RBM47: variants seen among roughly 807,000 people sequenced by gnomAD.
RBM47 encodes RNA binding motif protein 47.
RBM47 carries 21 observed loss-of-function variants against 47.1 expected under a neutral mutation model. The observed-to-expected ratio is 0.45, with a 90% CI of 0.32 to 0.64. The LOEUF (loss-of-function observed/expected upper bound fraction) is 0.64, where lower values mean the gene tolerates loss of function less well. Among genes scored for constraint, RBM47 ranks in the 30% least tolerant of loss-of-function variants. RBM47 has a pLI of 0.05. For synonymous variants in RBM47, 375 were observed against 361.7 expected (o/e 1.04, Z -0.42); for missense variants, 708 against 870.9 (o/e 0.81, Z 2.35).
chr4:40,536,367 G>A (rs1229623685), intron 2 of RBM47, among the ~76,000 whole-genome samples: 2 of 152,156 alleles, frequency 1.3e-5, no homozygotes, highest in Non-Finnish European at 2.9e-5. Context: ...GGAAACTACA[G>A]GGCTGACATT....
At chr4:40,472,261 T>C (rs556185098) in intron 2 of RBM47, among the ~76,000 whole-genome samples, 1 of 152,344 alleles carries the variant, frequency 6.6e-6, no homozygotes, top group Non-Finnish European at 1.5e-5. Context: ...ATATAAATTT[T>C]ATATCGTCAT....
chr4:40,467,339 G>A (rs139349490), intron 2 of RBM47, among the ~76,000 whole-genome samples: 1,977 of 152,092 alleles, frequency 0.013, 26 homozygotes, highest in Middle Eastern at 0.054. Context: ...GCCCAGGCTG[G>A]AGTGCAGTTG....
At position 40,620,216 on chromosome 4, in the gene RBM47, A is replaced by C. The variant is rs902528438; in HGVS notation, c.-240+9180T>G. 5.2e-4 allele frequency among the ~76,000 whole-genome samples: 69 copies of C among 133,522 alleles called. No individual in the cohort carries two copies. In the East Asian group the frequency reaches 0.014, roughly 27 times the overall value. The allele number at this position is 133,522 out of a possible 152,430, so 87.6% of individuals were successfully genotyped here. A position where few individuals can be genotyped will look rare whatever the true frequency, so the allele number is the denominator to read the frequency against. On this transcript the variant is annotated intron_variant, in intron 1 of 6. Transcript: ENST00000295971. Reference sequence around the variant, plus strand: ...GTATGAAAAAAAAAAAAAAAAAAAAAAAAACTCTGGGCCGGGCACAGTGGC... The same window carrying C: ...GTATGAAAAAAAAAAAAAAAAAAAACAAAACTCTGGGCCGGGCACAGTGGC...
intron 2 of RBM47, among the ~76,000 whole-genome samples, chr4:40,523,421 C>G (rs1163821139): frequency 6.6e-6 from 1 of 151,972 alleles, no homozygotes; most frequent in African/African-American, 2.4e-5. Context: ...GAGGCCAAGA[C>G]GGGCAGATAG....
chr4:40,558,845 T>G (rs1730344869), intron 1 of RBM47, among the ~76,000 whole-genome samples: 1 of 133,730 alleles, frequency 7.5e-6, no homozygotes, highest in East Asian at 2.1e-4. Flanking sequence ...AAAAAAAAAA[T>G]TAGCCGGGCG....
chr4:40,565,008 G>A (rs1050760029), intron 1 of RBM47, among the ~76,000 whole-genome samples: 8 of 152,216 alleles, frequency 5.3e-5, no homozygotes, highest in African/African-American at 9.6e-5. Context: ...GGAAGTGAAC[G>A]TGGGGACTGA....
In RBM47 at chr4:40,431,069, C is replaced by CA. The variant is rs1002046694; in HGVS notation, c.1542+1581dup. ...CCTGGGTGACAGAGTGAGACTGTCT[C>CA]AAAAAAATCAAAAATCAAAAATCAA... On this transcript the variant is annotated intron_variant, in intron 6 of 6. Coordinates refer to ENST00000295971, the MANE Select transcript of RBM47 (RefSeq NM_001098634.2). 1.1e-3 allele frequency among the ~76,000 whole-genome samples: 167 copies of CA among 151,260 alleles called. 1 individual carries two copies. Among genetic ancestry groups the CA allele is most frequent in the Middle Eastern group, 0.01 (3 of 290 alleles).
chr4:40,521,900 A>G (rs1726228811), intron 2 of RBM47, among the ~76,000 whole-genome samples: 1 of 152,154 alleles, frequency 6.6e-6, no homozygotes, highest in South Asian at 2.1e-4. Flanking sequence ...GGAAGAAAAA[A>G]TTTGGGGGCA....
At chr4:40,579,906 CCTGT>C (rs750240774) in intron 1 of RBM47, among the ~76,000 whole-genome samples, 17 of 152,064 alleles carry the variant, frequency 1.1e-4, no homozygotes, top group East Asian at 1.9e-4. Flanking sequence ...CACTACCATG[CCTGT>C]CTATTTTTTT....
intron 2 of RBM47, among the ~76,000 whole-genome samples, chr4:40,471,424 G>A (rs1267985511): frequency 2.6e-5 from 4 of 152,200 alleles, no homozygotes; most frequent in Non-Finnish European, 4.4e-5. Context: ...TTGGTCAGGC[G>A]CAGTGGCTCA....
chr4:40,496,356 AC>A (rs1722582108), intron 2 of RBM47, among the ~76,000 whole-genome samples: 1 of 102,316 alleles, frequency 9.8e-6, no homozygotes, highest in Non-Finnish European at 2.0e-5. Flanking sequence ...ACACACACAC[AC>A]ACACACAAAG....
chr4:40,486,573 T>TG (rs34493922), intron 2 of RBM47, among the ~76,000 whole-genome samples: 4,518 of 152,180 alleles, frequency 0.03, 143 homozygotes, highest in African/African-American at 0.078. Flanking sequence ...CCAAAGTGGG[T>TG]GATGACTTGA....
At chr4:40,547,358 A>T (rs1729133125) in intron 1 of RBM47, among the ~76,000 whole-genome samples, 2 of 152,220 alleles carry the variant, frequency 1.3e-5, no homozygotes, top group South Asian at 2.1e-4. Context: ...CAGTGTCTTC[A>T]TAAGAAGAGG....
intron 2 of RBM47, among the ~76,000 whole-genome samples, chr4:40,541,618 A>C (rs1728552829): frequency 1.3e-5 from 2 of 152,062 alleles, no homozygotes; most frequent in African/African-American, 4.8e-5. Flanking sequence ...CATGCCTATA[A>C]TCCCAGCTAG....
At chr4:40,481,483 A>ATTATTATTT (rs1553887652) in intron 2 of RBM47, among the ~76,000 whole-genome samples, 105 of 106,372 alleles carry the variant, frequency 9.9e-4, no homozygotes, top group African/African-American at 3.9e-3. Flanking sequence ...TATTATTATT[A>ATTATTATTT]TTATTTTTAT....
Position 40,487,925 on chromosome 4 carries a change from A to G in RBM47, c.-154-21226T>C, listed in dbSNP as rs117723718. Reference sequence around the variant, plus strand: ...TATTTTGTAATTTCTCTGCACCTACAGGGCCAGAGGAGGGAAAAAAACGGA... The same window carrying G: ...TATTTTGTAATTTCTCTGCACCTACGGGGCCAGAGGAGGGAAAAAAACGGA... On this transcript the variant is annotated intron_variant, in intron 2 of 6. Transcript: ENST00000295971. Among the ~76,000 whole-genome samples the G allele has an allele frequency of 5.9e-3, 772 of 130,962 alleles. 19 individuals carry two copies. The East Asian group carries it at 0.076, about 13-fold the overall frequency. The allele number at this position is 130,962 out of a possible 152,430, so 85.9% of individuals were successfully genotyped here. A position where few individuals can be genotyped will look rare whatever the true frequency, so the allele number is the denominator to read the frequency against.
intron 1 of RBM47, among the ~76,000 whole-genome samples, chr4:40,580,763 A>C (rs1036894009): frequency 6.6e-6 from 1 of 152,272 alleles, no homozygotes; most frequent in African/African-American, 2.4e-5. Context: ...ATAAAGGCAG[A>C]GACAGGAGAA....
At chr4:40,626,446 A>G (rs1261822872) in intron 1 of RBM47, among the ~76,000 whole-genome samples, 2 of 152,224 alleles carry the variant, frequency 1.3e-5, no homozygotes, top group African/African-American at 2.4e-5. Flanking sequence ...CACTTCCCAC[A>G]GTTGCTAGTT....
Position 40,424,176 on chromosome 4 carries a change from T to A in RBM47, c.*1728A>T, listed in dbSNP as rs1714725024. 1 of 152,420 alleles carries A rather than the reference T, an allele frequency of 6.6e-6. No homozygotes were observed. The highest frequency in any genetic ancestry group is 2.1e-4 in the South Asian group (1 of 4,820). 9.4% of individuals were successfully genotyped at this position (152,420 alleles called of 1,614,324 possible). ...AAAGTACTTGCTAAGGGCATGATCC[T>A]CTTATGAATCCACAAGAATTCAGCC... On this transcript the variant is annotated 3_prime_UTR_variant, in exon 7 of 7. Coordinates refer to ENST00000295971, the MANE Select transcript of RBM47 (RefSeq NM_001098634.2).
Sources: gnomAD v4.1 joint callset for allele counts (sites outside exome capture counted in the v4.1 genomes callset) on GRCh38, gnomAD v4.1.1 for gene constraint, MANE v1.5 for transcripts, NCBI Gene and HGNC (gene_info 2026-07-23, HGNC 2026-07-21) for gene names.